DDC: variants seen among roughly 807,000 people sequenced by gnomAD.
DDC encodes the protein aromatic-L-amino-acid decarboxylase.
Under a neutral mutation model 60.0 loss-of-function variants are expected in DDC, and 43 were observed. The ratio of observed to expected loss-of-function variants is 0.72; its 90% CI spans 0.56 to 0.92. The LOEUF (loss-of-function observed/expected upper bound fraction) is 0.92, where lower values mean the gene tolerates loss of function less well. Among genes scored for constraint, DDC ranks in the 40% least tolerant of loss-of-function variants. DDC has a pLI of 0.00. For missense variants in DDC, 573 were observed against 620.2 expected (o/e 0.92, Z 0.81); for synonymous variants, 232 against 234.6 (o/e 0.99, Z 0.10).
At chr7:50,501,053 G>T (rs1045378545) in intron 7 of DDC, among the ~76,000 whole-genome samples, 2 of 152,130 alleles carry the variant, frequency 1.3e-5, no homozygotes, top group Non-Finnish European at 2.9e-5. Flanking sequence ...AGAGACCCTC[G>T]GCCAGAGCTT....
intron 14 of DDC, among the ~76,000 whole-genome samples, chr7:50,460,532 A>G (rs2042249128): frequency 6.6e-6 from 1 of 150,944 alleles, no homozygotes; most frequent in Non-Finnish European, 1.5e-5. Flanking sequence ...CCCAGCCACC[A>G]CCCCGTCTGG....
chr7:50,474,284 T>C (rs1185402975), intron 11 of DDC, among the ~76,000 whole-genome samples: 5 of 152,186 alleles, frequency 3.3e-5, no homozygotes, highest in Non-Finnish European at 7.3e-5. Flanking sequence ...TGGGCTCAAG[T>C]CTTCTGGATT....
intron 9 of DDC, 133 bp downstream of exon 9, chr7:50,495,217 C>T: frequency 1.4e-6 from 1 of 725,134 alleles, no homozygotes; most frequent in Non-Finnish European, 2.5e-6. Context: ...ATAATTCCAT[C>T]AAGGGTTCAG....
Position 50,499,110 on chromosome 7 carries a change from G to C in DDC, c.876+38C>G, listed in dbSNP as rs2043188684. 2.0e-6 allele frequency: 3 copies of C among 1,499,950 alleles called. No individual in the cohort carries two copies. In the South Asian group the frequency reaches 3.4e-5, roughly 17 times the overall value. The allele number at this position is 1,499,950 out of a possible 1,614,324, so 92.9% of individuals were successfully genotyped here. ...AGGGAGAGGTCAATAACAGAGCACTGTGAAAACAGCCTTAGGGAGAGCGAA... is the reference window on the plus strand; with the variant it reads ...AGGGAGAGGTCAATAACAGAGCACTCTGAAAACAGCCTTAGGGAGAGCGAA... On this transcript the variant is annotated intron_variant, in intron 8 of 14. Coordinates refer to ENST00000444124, the MANE Select transcript of DDC (RefSeq NM_001082971.2).
intron 1 of DDC, among the ~76,000 whole-genome samples, chr7:50,563,357 G>T (rs920155382): frequency 1.3e-5 from 2 of 152,000 alleles, no homozygotes; most frequent in African/African-American, 4.8e-5. Context: ...TAATTTTTAG[G>T]TATTTGATTC....
chr7:50,464,091 C>T (rs113106560), intron 13 of DDC, among the ~76,000 whole-genome samples: 2 of 151,966 alleles, frequency 1.3e-5, no homozygotes, highest in Non-Finnish European at 2.9e-5. Context: ...CCCTTTGCTC[C>T]TCTGTCCTTC....
chr7:50,530,041 G>C (rs2044153566), intron 4 of DDC, among the ~76,000 whole-genome samples: 1 of 152,058 alleles, frequency 6.6e-6, no homozygotes. Context: ...TCGATCACTT[G>C]AGCCCCGGAG....
chr7:50,507,839 C>T (rs1048577273), intron 6 of DDC, among the ~76,000 whole-genome samples: 1 of 152,184 alleles, frequency 6.6e-6, no homozygotes, highest in African/African-American at 2.4e-5. Context: ...ATGCTGACAG[C>T]CTTTCCTATA....
intron 10 of DDC, among the ~76,000 whole-genome samples, chr7:50,477,831 A>G (rs1454776654): frequency 6.6e-6 from 1 of 152,200 alleles, no homozygotes; most frequent in Non-Finnish European, 1.5e-5. Context: ...CAATAGCAGC[A>G]TCTGGCAATG....
At chr7:50,533,858 G>A (rs2044299451) in intron 4 of DDC, among the ~76,000 whole-genome samples, 1 of 152,190 alleles carries the variant, frequency 6.6e-6, no homozygotes, top group South Asian at 2.1e-4. Context: ...GGAACAGTCT[G>A]GGTGCAGTGG....
chr7:50,542,003 G>A (rs1407744329), intron 2 of DDC, among the ~76,000 whole-genome samples: 1 of 152,066 alleles, frequency 6.6e-6, no homozygotes, highest in Admixed American at 6.6e-5. Context: ...CTAGGCTTGG[G>A]GGCTCAGGTG....
intron 12 of DDC, among the ~76,000 whole-genome samples, chr7:50,468,078 C>T (rs1240804210): frequency 6.6e-6 from 1 of 152,262 alleles, no homozygotes; most frequent in East Asian, 1.9e-4. Context: ...ATTCTAAGCC[C>T]GCGGATACAG....
At chr7:50,559,852 G>A (rs2045299261) in intron 1 of DDC, among the ~76,000 whole-genome samples, 2 of 152,222 alleles carry the variant, frequency 1.3e-5, no homozygotes, top group Admixed American at 6.5e-5. Flanking sequence ...ATCTTGAAGA[G>A]CAGAAAACAA....
intron 6 of DDC, among the ~76,000 whole-genome samples, chr7:50,526,029 G>A (rs1225601432): frequency 5.9e-5 from 9 of 152,032 alleles, no homozygotes; most frequent in Non-Finnish European, 1.2e-4. Context: ...CAAACTTTGG[G>A]AAGATAATAG....
rs577922697 is a variant in DDC at position 50,543,853 on chromosome 7, C to T, written c.201+32G>A. The T allele has an allele frequency of 4.7e-5, 76 of 1,603,248 alleles. 2 individuals are homozygous for T. In the South Asian group the frequency reaches 8.0e-4, roughly 17 times the overall value. ...AGTAGGTGCTATGTGAGTTCTAGCCCTCCTGTTTTCTGACCTTGGATACAC... is the reference window on the plus strand; with the variant it reads ...AGTAGGTGCTATGTGAGTTCTAGCCTTCCTGTTTTCTGACCTTGGATACAC... On this transcript the variant is annotated intron_variant, in intron 2 of 14. Transcript: ENST00000444124.
At chr7:50,510,960 G>C (rs1456214939) in intron 6 of DDC, among the ~76,000 whole-genome samples, 1 of 113,504 alleles carries the variant, frequency 8.8e-6, no homozygotes, top group Non-Finnish European at 1.7e-5. Context: ...CGGCCTGGGC[G>C]AAAGAGCGAG....
intron 4 of DDC, among the ~76,000 whole-genome samples, chr7:50,533,902 G>A (rs1014051486): frequency 1.3e-5 from 2 of 152,210 alleles, no homozygotes; most frequent in South Asian, 2.1e-4. Context: ...GACCCTGGCC[G>A]ATGGAGGAAA....
chr7:50,563,166 C>A (rs1554439791), intron 1 of DDC, among the ~76,000 whole-genome samples: 10 of 115,120 alleles, frequency 8.7e-5, no homozygotes, highest in Admixed American at 1.7e-4. Context: ...GACTCCATCT[C>A]AAAAAAAAAA....
intron 1 of DDC, among the ~76,000 whole-genome samples, chr7:50,546,077 A>G (rs781623940): frequency 5.9e-5 from 9 of 152,354 alleles, no homozygotes; most frequent in Non-Finnish European, 1.2e-4. Context: ...GACAAATTTA[A>G]GATAAATTTT....
Sources: gnomAD v4.1 joint callset for allele counts (sites outside exome capture counted in the v4.1 genomes callset) on GRCh38, gnomAD v4.1.1 for gene constraint, MANE v1.5 for transcripts, NCBI Gene and HGNC (gene_info 2026-07-23, HGNC 2026-07-21) for gene names.